The following PDE1C variants were observed in gnomAD, a reference collection of about 807,000 sequenced individuals.
PDE1C encodes dual specificity calcium/calmodulin-dependent 3',5'-cyclic nucleotide phosphodiesterase 1C.
A neutral mutation model predicts 93.1 loss-of-function variants in PDE1C; 62 were observed. The observed-to-expected ratio is 0.67, with a 90% CI of 0.54 to 0.82. The LOEUF (loss-of-function observed/expected upper bound fraction) is 0.82. Among genes scored for constraint, PDE1C ranks in the 40% least tolerant of loss-of-function variants. The pLI, the probability that PDE1C is intolerant of heterozygous loss-of-function variation, is 0.00. For synonymous variants in PDE1C, 325 were observed against 310.1 expected (o/e 1.05, Z -0.50); for missense variants, 742 against 884.6 (o/e 0.84, Z 2.04).
chr7:32,098,470 C>T (rs1184082984), intron 3 of PDE1C, among the ~76,000 whole-genome samples: 1 of 152,032 alleles, frequency 6.6e-6, no homozygotes, highest in Non-Finnish European at 1.5e-5. Context: ...ACAATCCCTG[C>T]TCATGGATTT....
At chr7:31,697,056 G>A in the PDE1C span, 1 of 1,614,106 alleles carries the variant, frequency 6.2e-7, no homozygotes, top group South Asian at 1.1e-5. Flanking sequence ...ACACTGACCT[G>A]GAACAGAAAA....
intron 2 of PDE1C, among the ~76,000 whole-genome samples, chr7:32,006,066 G>A (rs916617846): frequency 6.6e-6 from 1 of 152,048 alleles, no homozygotes; most frequent in Non-Finnish European, 1.5e-5. Context: ...TCAATAATAA[G>A]TCTATTGTTC....
intron 2 of PDE1C, among the ~76,000 whole-genome samples, chr7:32,199,796 T>C (rs1804881474): frequency 6.6e-6 from 1 of 152,122 alleles, no homozygotes; most frequent in Non-Finnish European, 1.5e-5. Flanking sequence ...AATTGAAACC[T>C]AAAATGCTCC....
chr7:32,136,210 A>C (rs996441878), intron 3 of PDE1C, among the ~76,000 whole-genome samples: 14 of 152,202 alleles, frequency 9.2e-5, no homozygotes, highest in Admixed American at 8.5e-4. Context: ...TGAGTGGAGA[A>C]GGATGTGCTC....
chr7:32,255,310 G>A (rs1809710962), intron 1 of PDE1C, among the ~76,000 whole-genome samples: 1 of 152,200 alleles, frequency 6.6e-6, no homozygotes, highest in South Asian at 2.1e-4. Context: ...CACTGAGAGA[G>A]CAGCAGACGC....
intron 3 of PDE1C, among the ~76,000 whole-genome samples, chr7:32,156,145 A>T (rs1801560210): frequency 6.6e-6 from 1 of 152,006 alleles, no homozygotes; most frequent in African/African-American, 2.4e-5. Context: ...ACTTATTTTA[A>T]GTTCTGGGAT....
chr7:32,306,198 T>C (rs988176766), intron 1 of PDE1C, among the ~76,000 whole-genome samples: 2 of 152,190 alleles, frequency 1.3e-5, no homozygotes, highest in Non-Finnish European at 2.9e-5. Flanking sequence ...AAACCTCTTT[T>C]TCTTTATAAA....
intron 1 of PDE1C, among the ~76,000 whole-genome samples, chr7:32,285,566 T>A (rs1337922936): frequency 6.6e-6 from 1 of 151,918 alleles, no homozygotes; most frequent in Admixed American, 6.6e-5. Context: ...AACTGTAAAC[T>A]CACTAAAACT....
chr7:31,673,895 C>T, the PDE1C span, among the ~76,000 whole-genome samples: 3 of 152,094 alleles, frequency 2.0e-5, no homozygotes, highest in Admixed American at 1.3e-4. Context: ...CTTAAATGAT[C>T]GGAGTCCAAC....
At chr7:31,693,510 C>G in the PDE1C span, among the ~76,000 whole-genome samples, 6 of 152,308 alleles carry the variant, frequency 3.9e-5, no homozygotes, top group Middle Eastern at 3.4e-3. Context: ...TACCCCTCAG[C>G]TTTTTACCTG....
chr7:32,207,315 C>T (rs1584959367), intron 2 of PDE1C, among the ~76,000 whole-genome samples: 1 of 135,324 alleles, frequency 7.4e-6, no homozygotes, highest in African/African-American at 2.8e-5. Flanking sequence ...TTGTTGGACG[C>T]AAAAATTAGA....
At chr7:31,948,361 T>C (rs769670049) in intron 2 of PDE1C, among the ~76,000 whole-genome samples, 6 of 152,160 alleles carry the variant, frequency 3.9e-5, no homozygotes, top group Admixed American at 2.6e-4. Flanking sequence ...AAATGATAAA[T>C]TGCACAGGTA....
chr7:31,679,285 A>G, the PDE1C span, among the ~76,000 whole-genome samples: 2 of 152,184 alleles, frequency 1.3e-5, no homozygotes, highest in Non-Finnish European at 2.9e-5. Flanking sequence ...AAAAGGCAAG[A>G]GAGTTTCCCA....
At chr7:32,065,356 C>T (rs897778299) in intron 1 of PDE1C, among the ~76,000 whole-genome samples, 4 of 152,180 alleles carry the variant, frequency 2.6e-5, no homozygotes, top group African/African-American at 9.6e-5. Context: ...TTGCAAAAGG[C>T]TGACATCAAT....
intron 7 of PDE1C, among the ~76,000 whole-genome samples, chr7:31,855,792 G>GAAAAAAA (rs763753026): frequency 8.6e-6 from 1 of 116,850 alleles, no homozygotes; most frequent in Non-Finnish European, 1.9e-5. Flanking sequence ...CTCCTTTCTG[G>GAAAAAAA]AAAAAAAAAA....
At chr7:32,229,030 C>A (rs1584996094) in intron 1 of PDE1C, among the ~76,000 whole-genome samples, 1 of 152,202 alleles carries the variant, frequency 6.6e-6, no homozygotes, top group Non-Finnish European at 1.5e-5. Context: ...TGCTTCCCAC[C>A]CCCAAGCCCC....
chr7:32,112,052 A>G (rs532203840), intron 3 of PDE1C, among the ~76,000 whole-genome samples: 1 of 152,298 alleles, frequency 6.6e-6, no homozygotes, highest in African/African-American at 2.4e-5. Flanking sequence ...CAGATGGGCC[A>G]TTAGAAACCT....
intron 1 of PDE1C, among the ~76,000 whole-genome samples, chr7:32,309,038 G>A (rs1466552381): frequency 1.3e-5 from 2 of 152,030 alleles, no homozygotes; most frequent in South Asian, 2.1e-4. Flanking sequence ...AATAACCAAT[G>A]CAGAGAAGTC....
intron 1 of PDE1C, among the ~76,000 whole-genome samples, chr7:32,422,650 C>T (rs979786828): frequency 2.0e-5 from 3 of 152,170 alleles, no homozygotes; most frequent in African/African-American, 7.2e-5. Flanking sequence ...ATCCATGTTG[C>T]TGCAAAAGAC....
Sources: allele counts gnomAD v4.1 joint callset (sites outside exome capture counted in the v4.1 genomes callset), GRCh38; gene constraint gnomAD v4.1.1; transcripts MANE v1.5; gene names NCBI Gene and HGNC (gene_info 2026-07-23, HGNC 2026-07-21).